TRHDE: variants seen among roughly 807,000 people sequenced by gnomAD.
The protein encoded by TRHDE is thyrotropin releasing hormone degrading enzyme.
Under a neutral mutation model 125.7 loss-of-function variants are expected in TRHDE, and 72 were observed. The observed-to-expected ratio is 0.57, with a 90% CI of 0.47 to 0.70. TRHDE has a LOEUF of 0.70. TRHDE is among the 30% of genes least tolerant of loss of function. The probability of loss-of-function intolerance (pLI) is 0.00; values close to 1 mark genes in which losing one functional copy is unlikely to be tolerated. For missense variants in TRHDE, 1,110 were observed against 1,327.1 expected (o/e 0.84, Z 2.54); for synonymous variants, 509 against 509.1 (o/e 1.00, Z 0.00).
chr12:72,543,843 G>T (rs894586599), intron 7 of TRHDE, among the ~76,000 whole-genome samples: 1 of 144,230 alleles, frequency 6.9e-6, no homozygotes, highest in Admixed American at 7.2e-5. Flanking sequence ...GAACGTTTTT[G>T]TTCATCCTGT....
intron 3 of TRHDE, among the ~76,000 whole-genome samples, chr12:72,392,077 G>A (rs1030372783): frequency 6.6e-6 from 1 of 152,118 alleles, no homozygotes; most frequent in African/African-American, 2.4e-5. Flanking sequence ...GCAAGAGGAT[G>A]GCCATCTATC....
intron 12 of TRHDE, among the ~76,000 whole-genome samples, chr12:72,611,971 A>C (rs760053398): frequency 2.2e-4 from 33 of 152,296 alleles, no homozygotes; most frequent in Non-Finnish European, 4.0e-4. Context: ...CAAAAGAGAA[A>C]AACAATCCGA....
chr12:72,529,284 T>A (rs1305540744), intron 6 of TRHDE, among the ~76,000 whole-genome samples: 3 of 152,130 alleles, frequency 2.0e-5, no homozygotes, highest in African/African-American at 7.2e-5. Context: ...GAGAAATTTT[T>A]AAACATACAG....
At chr12:72,629,457 G>GTCTTCTA (rs1238440745) in intron 15 of TRHDE, among the ~76,000 whole-genome samples, 1 of 151,668 alleles carries the variant, frequency 6.6e-6, no homozygotes, top group Non-Finnish European at 1.5e-5. Flanking sequence ...ACACTTCTGT[G>GTCTTCTA]TCTTCTATCA....
intron 2 of TRHDE, among the ~76,000 whole-genome samples, chr12:72,127,425 T>A (rs1875742284): frequency 6.6e-6 from 1 of 152,148 alleles, no homozygotes; most frequent in Admixed American, 6.5e-5. Flanking sequence ...AGCAAAGACA[T>A]AAAATCAACC....
At chr12:72,160,933 A>G (rs1876623569) in intron 2 of TRHDE, among the ~76,000 whole-genome samples, 2 of 152,112 alleles carry the variant, frequency 1.3e-5, no homozygotes, top group East Asian at 1.9e-4. Flanking sequence ...TTTGAGTAGA[A>G]CTCTTCACTG....
At chr12:72,163,635 T>C (rs1274426146) in intron 2 of TRHDE, among the ~76,000 whole-genome samples, 3 of 152,238 alleles carry the variant, frequency 2.0e-5, no homozygotes, top group Admixed American at 1.3e-4. Context: ...GTGTGTAGGC[T>C]GAGCATCTGA....
intron 5 of TRHDE, among the ~76,000 whole-genome samples, chr12:72,476,227 G>T (rs1004003743): frequency 6.6e-6 from 1 of 152,116 alleles, no homozygotes; most frequent in Non-Finnish European, 1.5e-5. Context: ...AGGTTATATA[G>T]ATTTAAAAAG....
At chr12:72,119,958 C>T (rs1165911633) in intron 2 of TRHDE, among the ~76,000 whole-genome samples, 1 of 151,930 alleles carries the variant, frequency 6.6e-6, no homozygotes, top group Non-Finnish European at 1.5e-5. Context: ...AATCATTGGG[C>T]CTTTTATTTT....
intron 6 of TRHDE, among the ~76,000 whole-genome samples, chr12:72,530,936 G>C (rs1868521044): frequency 6.6e-6 from 1 of 151,844 alleles, no homozygotes; most frequent in Non-Finnish European, 1.5e-5. Context: ...TTTGTTCTCT[G>C]CATCATTTTC....
At chr12:72,475,704 AT>A (rs1410644280) in intron 5 of TRHDE, among the ~76,000 whole-genome samples, 18 of 152,218 alleles carry the variant, frequency 1.2e-4, no homozygotes, top group African/African-American at 3.9e-4. Context: ...CATTAGGAGT[AT>A]AAAAACCTTG....
intron 15 of TRHDE, among the ~76,000 whole-genome samples, chr12:72,635,377 A>T (rs1173529569): frequency 1.3e-5 from 2 of 151,712 alleles, no homozygotes; most frequent in African/African-American, 4.8e-5. Flanking sequence ...AATTTGTTTG[A>T]GTTCATTGTA....
At chr12:72,506,263 A>G (rs934090454) in intron 6 of TRHDE, among the ~76,000 whole-genome samples, 1 of 152,166 alleles carries the variant, frequency 6.6e-6, no homozygotes, top group African/African-American at 2.4e-5. Flanking sequence ...GTGAGCTATA[A>G]TAGATCTCCT....
chr12:72,101,105 C>T (rs1875056015), intron 1 of TRHDE, among the ~76,000 whole-genome samples: 1 of 152,182 alleles, frequency 6.6e-6, no homozygotes. Context: ...AAAGTGGATT[C>T]TGTGAAGCTG....
chr12:72,400,252 A>T (rs922096475), intron 3 of TRHDE, among the ~76,000 whole-genome samples: 3 of 152,230 alleles, frequency 2.0e-5, no homozygotes, highest in Non-Finnish European at 4.4e-5. Context: ...GGTATTTTAT[A>T]CAGTGTTCAA....
intron 12 of TRHDE, 134 bp downstream of exon 12, chr12:72,575,676 T>C (rs1285432137): frequency 1.2e-6 from 1 of 835,074 alleles, no homozygotes; most frequent in African/African-American, 1.7e-5. Context: ...TCTTTGACTT[T>C]GGATATGAGT....
chr12:72,619,898 A>G (rs1349294602), intron 13 of TRHDE, among the ~76,000 whole-genome samples: 5 of 152,126 alleles, frequency 3.3e-5, no homozygotes, highest in African/African-American at 1.2e-4. Context: ...TATTGGAGCC[A>G]TCTGATTTCT....
chr12:72,561,319 G>T (rs1471169351), intron 7 of TRHDE, among the ~76,000 whole-genome samples: 2 of 135,220 alleles, frequency 1.5e-5, no homozygotes, highest in Non-Finnish European at 3.0e-5. Flanking sequence ...TTAGGATTTT[G>T]TCTACTATAT....
rs181641307 is a variant in TRHDE, at chr12:72,619,115, C to G, written c.2469+77C>G. The G allele has an allele frequency of 7.3e-5, 82 of 1,118,018 alleles. No individual in the cohort carries two copies. In the East Asian group the frequency reaches 2.2e-3, roughly 30 times the overall value. 69.3% of individuals were successfully genotyped at this position (1,118,018 alleles called of 1,614,324 possible). ...TCTCTTTCTACTATTATATATGCAA[C>G]TGATGCCAAGTTATTTTAGTTTGTT... On this transcript the variant is annotated intron_variant, in intron 13 of 18. Transcript: ENST00000261180.
Sources: gnomAD v4.1 joint callset for allele counts (sites outside exome capture counted in the v4.1 genomes callset) on GRCh38, gnomAD v4.1.1 for gene constraint, MANE v1.5 for transcripts, NCBI Gene and HGNC (gene_info 2026-07-23, HGNC 2026-07-21) for gene names.